Variants in PLA2G4C observed in about 807,000 individuals in gnomAD.
The protein encoded by PLA2G4C is phospholipase A2 group IVC.
A neutral mutation model predicts 73.8 loss-of-function variants in PLA2G4C; 64 were observed. The observed-to-expected ratio is 0.87, with a 90% CI of 0.71 to 1.07. PLA2G4C has a LOEUF of 1.07. Among genes scored for constraint, PLA2G4C ranks in the 50% least tolerant of loss-of-function variants. PLA2G4C has a pLI of 0.00. For synonymous variants in PLA2G4C, 254 were observed against 252.1 expected (o/e 1.01, Z -0.07); for missense variants, 622 against 665.4 (o/e 0.93, Z 0.72).
Position 48,057,477 on chromosome 19 carries a change from CTTCTTCTTTTTTTT to C in PLA2G4C, c.1258-2442_1258-2429del, listed in dbSNP as rs1296206111. 7.2e-3 allele frequency among the ~76,000 whole-genome samples: 122 copies of C among 16,882 alleles called. 2 individuals are homozygous for C. The Admixed American group carries it at 0.11, about 16-fold the overall frequency. The allele number at this position is 16,882 out of a possible 152,430, so 11.1% of individuals were successfully genotyped here. On this transcript the variant is annotated intron_variant, in intron 14 of 16. Coordinates refer to ENST00000599921, the MANE Select transcript of PLA2G4C (RefSeq NM_003706.3). ...AGTGTTTCTTCTTCTTCTTCTTCTT[CTTCTTCTTTTTTTT>C]TTTTTTTTTTTTTTTTTTGACAGAG...
At chr19:48,110,446 C>T (rs1358172911) in intron 1 of PLA2G4C, 41 bp downstream of exon 1, 3 of 1,456,558 alleles carry the variant, frequency 2.1e-6, no homozygotes, top group Non-Finnish European at 2.7e-6. Flanking sequence ...TTATGGCCGC[C>T]CCAGCGGGAT....
chr19:48,084,040 T>TTGTGTG (rs71181645), intron 10 of PLA2G4C, among the ~76,000 whole-genome samples: 1,431 of 139,178 alleles, frequency 0.01, 15 homozygotes, highest in Admixed American at 0.021. Flanking sequence ...AATGCCAATT[T>TTGTGTG]TGTGTGTGTG....
In PLA2G4C at chr19:48,110,539, A is replaced by AATCCGGTGCGGAGGCTTGGGCTCCGGC; in HGVS notation, c.-86_-85insGCCGGAGCCCAAGCCTCCGCACCGGAT. On this transcript the variant is annotated 5_prime_UTR_variant, in exon 1 of 17. In the 5' UTR this introduces an upstream ATG that the reference lacks. Transcript: ENST00000599921. ...ATGCGCGGTGGAGCTTGTGCTCCGG[A>AATCCGGTGCGGAGGCTTGGGCTCCGGC]ATCCGGTGCGGAGGCTTGGGCTCCC... The AATCCGGTGCGGAGGCTTGGGCTCCGGC allele has an allele frequency of 6.5e-7, 1 of 1,532,458 alleles. No individual in the cohort carries two copies. The highest frequency in any genetic ancestry group is 8.8e-7 in the Non-Finnish European group (1 of 1,142,452). The allele number at this position is 1,532,458 out of a possible 1,614,324, so 94.9% of individuals were successfully genotyped here.
chr19:48,056,606 G>T (rs989197854), intron 14 of PLA2G4C, among the ~76,000 whole-genome samples: 1 of 151,722 alleles, frequency 6.6e-6, no homozygotes, highest in Non-Finnish European at 1.5e-5. Flanking sequence ...GCTGAGGTGG[G>T]TGGATCACGA....
chr19:48,063,604 A>AC (rs1251995567), intron 13 of PLA2G4C, among the ~76,000 whole-genome samples: 9 of 53,512 alleles, frequency 1.7e-4, no homozygotes, highest in Non-Finnish European at 2.8e-4. Flanking sequence ...CCCAACTCCT[A>AC]CCCCCCCACA....
chr19:48,053,090 G>A lies in PLA2G4C; in HGVS notation c.1487C>T (p.Thr496Ile), dbSNP rs1204639286. The A allele has an allele frequency of 1.2e-6, 2 of 1,612,084 alleles. No individual in the cohort carries two copies. Among genetic ancestry groups the A allele is most frequent in the African/African-American group, 1.3e-5 (1 of 74,876 alleles). The stretch of plus-strand genomic sequence containing the variant: ...CAAGAGTAGCACCACCACATCTAGA[G>A]TGTAGGTGTCAGCAAGCTTGAATGT... Reference protein sequence around the residue: ...YDTFKLADTYTLDVVVLLLAL... With the variant: ...YDTFKLADTYILDVVVLLLAL... Residue 496 changes from threonine to isoleucine, a missense_variant, in exon 16 of 17, where the codon ACT becomes ATT. Thr to Ile is a moderately conservative substitution (Grantham distance 89, BLOSUM62 -1). Transcript: ENST00000599921.
At chr19:48,088,782 A>G in intron 8 of PLA2G4C, 70 bp from the exon 9 acceptor site, 7 of 1,106,788 alleles carry the variant, frequency 6.3e-6, no homozygotes, top group Admixed American at 1.7e-5. Context: ...TATAAAAAAT[A>G]CAGATGACCT....
chr19:48,053,653 G>A (rs556765458), intron 15 of PLA2G4C, among the ~76,000 whole-genome samples: 6 of 146,546 alleles, frequency 4.1e-5, no homozygotes, highest in South Asian at 4.3e-4. Flanking sequence ...GATTACAGGC[G>A]TGAGCCACCG....
rs965803133 is a variant in PLA2G4C at position 48,110,476 on chromosome 19, C to G, written c.-33+11G>C. ...CGGGATGAAACAGCCCTCCCTGCCC[C>G]CACGGCTTGCCTGAGCCTGGGTCTG... On this transcript the variant is annotated intron_variant, in intron 1 of 16. Coordinates refer to ENST00000599921, the MANE Select transcript of PLA2G4C (RefSeq NM_003706.3). 5 of 1,391,286 alleles carry G rather than the reference C, an allele frequency of 3.6e-6. No homozygotes were observed. The highest frequency in any genetic ancestry group is 3.2e-5 in the African/African-American group (1 of 31,734). The allele number at this position is 1,391,286 out of a possible 1,614,324, so 86.2% of individuals were successfully genotyped here.
chr19:48,084,828 C>T (rs980758938), intron 10 of PLA2G4C, among the ~76,000 whole-genome samples: 14 of 152,218 alleles, frequency 9.2e-5, no homozygotes, highest in African/African-American at 3.4e-4. Context: ...TCACAAAGCT[C>T]ACATGTACCA....
At chr19:48,108,931 A>AAAAT (rs1313280518) in intron 1 of PLA2G4C, 9 of 152,170 alleles carry the variant, frequency 5.9e-5, no homozygotes, top group South Asian at 4.1e-4. Context: ...CTCTGTCTCA[A>AAAAT]AACTAAATAA....
chr19:48,067,993 G>A (rs938685310), intron 12 of PLA2G4C, 107 bp from the exon 13 acceptor site: 8 of 821,348 alleles, frequency 9.7e-6, no homozygotes, highest in Non-Finnish European at 1.7e-5. Flanking sequence ...GGTTGTATCT[G>A]GAGACAGGAC....
At chr19:48,095,691 G>A (rs3745738) in intron 6 of PLA2G4C, 87 bp from the exon 7 acceptor site, 85,161 of 1,326,614 alleles carry the variant, frequency 0.064, 3,168 homozygotes, top group Non-Finnish European at 0.072. Flanking sequence ...TATTAATGAG[G>A]AATTACAACC....
intron 6 of PLA2G4C, chr19:48,096,870 A>T (rs951712019): frequency 6.6e-5 from 10 of 151,664 alleles, no homozygotes; most frequent in African/African-American, 2.2e-4. Context: ...AAAAAGTGAG[A>T]GATGGCCGGG....
intron 1 of PLA2G4C, among the ~76,000 whole-genome samples, chr19:48,108,288 C>T (rs2032329551): frequency 1.3e-5 from 2 of 152,114 alleles, no homozygotes; most frequent in African/African-American, 4.8e-5. Context: ...GCATGCACCA[C>T]CACGTCTGGC....
rs369152847 is a variant in PLA2G4C, at chr19:48,090,460, G to A, written c.710-43C>T. 402 of 1,435,364 alleles carry A rather than the reference G, an allele frequency of 2.8e-4. 1 individual carries two copies. Among genetic ancestry groups the A allele is most frequent in the Middle Eastern group, 7.0e-4 (4 of 5,744 alleles). The allele number at this position is 1,435,364 out of a possible 1,614,324, so 88.9% of individuals were successfully genotyped here. On this transcript the variant is annotated intron_variant, in intron 7 of 16. Transcript: ENST00000599921. Reference sequence around the variant, plus strand: ...ATAAAATTCAAACATTCTCCATCACGTGACTGTCATGTTTGATATTCAAAG... The same window carrying A: ...ATAAAATTCAAACATTCTCCATCACATGACTGTCATGTTTGATATTCAAAG...
At chr19:48,062,305 C>G (rs1968216828) in intron 13 of PLA2G4C, 153 bp from the exon 14 acceptor site, 1 of 607,086 alleles carries the variant, frequency 1.6e-6, no homozygotes, top group Non-Finnish European at 2.7e-6. Flanking sequence ...TCTCTCTCTT[C>G]CCAGATTCAT....
chr19:48,085,978 C>A (rs562687496), intron 9 of PLA2G4C, among the ~76,000 whole-genome samples: 2 of 152,310 alleles, frequency 1.3e-5, no homozygotes, highest in South Asian at 4.1e-4. Flanking sequence ...CCTCACAGGG[C>A]ACCCTGCAGT....
chr19:48,091,477 G>A (rs758994120), intron 7 of PLA2G4C, among the ~76,000 whole-genome samples: 2 of 151,964 alleles, frequency 1.3e-5, no homozygotes, highest in Admixed American at 6.6e-5. Flanking sequence ...TGTGAGTCAC[G>A]GTGCTCAGTC....
Sources: allele counts gnomAD v4.1 joint callset (sites outside exome capture counted in the v4.1 genomes callset), GRCh38; gene constraint gnomAD v4.1.1; transcripts MANE v1.5; gene names NCBI Gene and HGNC (gene_info 2026-07-23, HGNC 2026-07-21).